SLC29A2: variants seen among roughly 807,000 people sequenced by gnomAD.
The protein encoded by SLC29A2 is equilibrative nucleoside transporter 2.
In SLC29A2, 37 loss-of-function variants were observed where a neutral mutation model predicts 48.8. The observed-to-expected ratio is 0.76, with a 90% CI of 0.58 to 1.00. The LOEUF (loss-of-function observed/expected upper bound fraction) is 1.00. SLC29A2 is among the 50% of genes least tolerant of loss of function. The probability of loss-of-function intolerance (pLI) is 0.00; values close to 1 mark genes in which losing one functional copy is unlikely to be tolerated. For synonymous variants in SLC29A2, 233 were observed against 261.7 expected, an observed-to-expected ratio of 0.89 and a Z score of 1.06; for missense variants, 533 against 578.6, an observed-to-expected ratio of 0.92 and a Z score of 0.81.
chr11:66,364,139 C>T (rs962502347), intron 11 of SLC29A2, 86 bp downstream of exon 11: 17 of 1,132,116 alleles, frequency 1.5e-5, no homozygotes, highest in East Asian at 1.3e-4. Context: ...CAGGATGGGC[C>T]GTCCCTCCAT....
chr11:66,368,775 G>C lies in SLC29A2; in HGVS notation c.416-104C>G. On this transcript the variant is annotated intron_variant, in intron 4 of 11. Coordinates refer to ENST00000357440, the MANE Select transcript of SLC29A2 (RefSeq NM_001532.3). ...CACAGGGGACTCTGGACAAGGTTGC[G>C]CAGGTGTGAGCTTCCCTAGGGACTC... is the stretch of plus-strand genomic sequence containing the variant. 5 of 1,444,930 alleles carry C rather than the reference G, an allele frequency of 3.5e-6. No homozygotes were observed. In the South Asian group the frequency reaches 6.1e-5, roughly 18 times the overall value. 89.5% of individuals were successfully genotyped at this position (1,444,930 alleles called of 1,614,324 possible).
chr11:66,366,234 G>A lies in SLC29A2; in HGVS notation c.868-3C>T. The A allele has an allele frequency of 6.2e-7, 1 of 1,613,434 alleles. No individual in the cohort carries two copies. Among genetic ancestry groups the A allele is most frequent in the Non-Finnish European group, 8.5e-7 (1 of 1,179,394 alleles). ...AGGCACAGCGCTGTCAGCCAGATCT[G>A]GGAGCCAGAGGCAGGGGTGTGAGCA... On this transcript the variant is annotated splice_polypyrimidine_tract_variant and splice_region_variant and intron_variant, in intron 8 of 11. Transcript: ENST00000357440.
chr11:66,364,095 G>A (rs1855525063), intron 11 of SLC29A2, 130 bp downstream of exon 11: 3 of 790,600 alleles, frequency 3.8e-6, no homozygotes, highest in Non-Finnish European at 6.2e-6. Flanking sequence ...CGCCAGCAAG[G>A]CCTGCAGACA....
rs929631561 is a variant in SLC29A2 at position 66,369,678 on chromosome 11, G to C, written c.112-146C>G. On this transcript the variant is annotated intron_variant, in intron 2 of 11. Transcript: ENST00000357440. ...TCCCAGCAGCCGGCACACAGTCGGA[G>C]CTCCATGAATGTGTGCTGAGTTAAA... is the stretch of plus-strand genomic sequence containing the variant. The C allele has an allele frequency of 7.9e-5, 75 of 944,474 alleles. No homozygotes were observed. The East Asian group carries it at 1.7e-3, about 21-fold the overall frequency. 58.5% of individuals were successfully genotyped at this position (944,474 alleles called of 1,614,324 possible). A position where few individuals can be genotyped will look rare whatever the true frequency, so the allele number is the denominator to read the frequency against.
Position 66,362,591 on chromosome 11 carries a change from G to A in SLC29A2, c.*845C>T, listed in dbSNP as rs1164766736. The A allele has an allele frequency of 1.3e-5, 2 of 152,252 alleles. No homozygotes were observed. Among genetic ancestry groups the A allele is most frequent in the Non-Finnish European group, 2.9e-5 (2 of 68,082 alleles). The allele number at this position is 152,252 out of a possible 1,614,324, so 9.4% of individuals were successfully genotyped here. A position where few individuals can be genotyped will look rare whatever the true frequency, so the allele number is the denominator to read the frequency against. On this transcript the variant is annotated 3_prime_UTR_variant, in exon 12 of 12. Transcript: ENST00000357440. ...GAAACAGCAAAAACGGGGAGTAAGT[G>A]CCCAGGCTCCTGCCCCAAACCCCTT...
chr11:66,366,034 C>G lies in SLC29A2; in HGVS notation c.974-13G>C, dbSNP rs202024168. ...TTGAAGAACTGACCTGGGAGGGAAA[C>G]GGCTGCAGCTCATACTGGTCTCCAA... On this transcript the variant is annotated splice_polypyrimidine_tract_variant and intron_variant, in intron 9 of 11. Transcript: ENST00000357440. The G allele has an allele frequency of 6.2e-7, 1 of 1,613,496 alleles. No homozygotes were observed. The highest frequency in any genetic ancestry group is 8.5e-7 in the Non-Finnish European group (1 of 1,179,526).
intron 1 of SLC29A2, 94 bp downstream of exon 1, chr11:66,371,469 T>C (rs1856036557): frequency 3.3e-6 from 5 of 1,504,560 alleles, no homozygotes; most frequent in Non-Finnish European, 3.6e-6. Flanking sequence ...ATGGGAATTG[T>C]AGTTCGATCC....
chr11:66,367,418 G>T, intron 7 of SLC29A2, 46 bp downstream of exon 7: 3 of 1,549,038 alleles, frequency 1.9e-6, no homozygotes, highest in Non-Finnish European at 2.7e-6. Flanking sequence ...GGTGGCTCTA[G>T]CTTCCTCTGC....
chr11:66,371,396 A>C, intron 1 of SLC29A2, 71 bp from the exon 2 acceptor site: 1 of 1,564,812 alleles, frequency 6.4e-7, no homozygotes, highest in South Asian at 1.1e-5. Context: ...CTCCCAGGCC[A>C]CCCCCTCCGG....
In SLC29A2 at chr11:66,371,673, C is replaced by A. The variant is rs1327314870; in HGVS notation, c.-82G>T. The A allele has an allele frequency of 3.5e-6, 4 of 1,139,838 alleles. No individual in the cohort carries two copies. The highest frequency in any genetic ancestry group is 4.2e-5 in the Admixed American group (2 of 47,226). The allele number at this position is 1,139,838 out of a possible 1,614,324, so 70.6% of individuals were successfully genotyped here. ...TGCGCTGGGGCGGAGGGCCGCAGAC[C>A]GGTGGGGCGGGGGGCGGGTCTCCCC... is the stretch of plus-strand genomic sequence containing the variant. On this transcript the variant is annotated 5_prime_UTR_variant, in exon 1 of 12. Coordinates refer to ENST00000357440, the MANE Select transcript of SLC29A2 (RefSeq NM_001532.3).
chr11:66,370,257 C>T (rs1855952882), intron 2 of SLC29A2, among the ~76,000 whole-genome samples: 1 of 152,236 alleles, frequency 6.6e-6, no homozygotes, highest in Non-Finnish European at 1.5e-5. Flanking sequence ...AAGGAACTTT[C>T]TCCCTCCCCT....
In SLC29A2 at chr11:66,371,750, C is replaced by T; in HGVS notation, c.-159G>A. On this transcript the variant is annotated 5_prime_UTR_variant, in exon 1 of 12. Coordinates refer to ENST00000357440, the MANE Select transcript of SLC29A2 (RefSeq NM_001532.3). The stretch of plus-strand genomic sequence containing the variant: ...CGCACAGGTAGCCTCGGGCGGATTT[C>T]GGCGTGTCTCGCGCTCCGCAGGCTG... 2 of 673,424 alleles carry T rather than the reference C, an allele frequency of 3.0e-6. No homozygotes were observed. The highest frequency in any genetic ancestry group is 3.8e-5 in the South Asian group (2 of 51,954). 41.7% of individuals were successfully genotyped at this position (673,424 alleles called of 1,614,324 possible). A position where few individuals can be genotyped will look rare whatever the true frequency, so the allele number is the denominator to read the frequency against.
At chr11:66,370,500 G>A (rs943573794) in intron 2 of SLC29A2, among the ~76,000 whole-genome samples, 1 of 152,172 alleles carries the variant, frequency 6.6e-6, no homozygotes, top group African/African-American at 2.4e-5. Flanking sequence ...CTTCCCTGAA[G>A]AGCCTCCCTG....
rs766951158 is a variant in SLC29A2, at chr11:66,371,229, C to T, written c.111+15G>A. 3 of 1,611,528 alleles carry T rather than the reference C, an allele frequency of 1.9e-6. No homozygotes were observed. Among genetic ancestry groups the T allele is most frequent in the African/African-American group, 2.7e-5 (2 of 74,882 alleles). Reference sequence around the variant, plus strand: ...GGCTGTGGCCACGAGGCTGCCACGCCGCCAGGAGTCTCACCGGGATGGCGG... The same window carrying T: ...GGCTGTGGCCACGAGGCTGCCACGCTGCCAGGAGTCTCACCGGGATGGCGG... On this transcript the variant is annotated intron_variant, in intron 2 of 11. Transcript: ENST00000357440.
Position 66,369,498 on chromosome 11 carries a change from C to G in SLC29A2, c.146G>C (p.Ser49Thr). ...GTTGGTGCTCAGGATCCTGGCTGTG[C>G]TGTTGCCGGCCCCGGCCAGTCGCGC... is the stretch of plus-strand genomic sequence containing the variant. ...FQARLAGAGN[S>T]TARILSTNHT... Residue 49 changes from serine (S) to threonine (T), a missense_variant, in exon 3 of 12, where the codon AGC becomes ACC. Coordinates refer to ENST00000357440, the MANE Select transcript of SLC29A2 (RefSeq NM_001532.3). The G allele has an allele frequency of 6.2e-7, 1 of 1,613,920 alleles. No individual in the cohort carries two copies. The highest frequency in any genetic ancestry group is 8.5e-7 in the Non-Finnish European group (1 of 1,179,968).
At position 66,363,167 on chromosome 11, in the gene SLC29A2, C is replaced by T; in HGVS notation, c.*269G>A. The T allele has an allele frequency of 2.1e-6, 1 of 478,018 alleles. No homozygotes were observed. The highest frequency in any genetic ancestry group is 3.9e-6 in the Non-Finnish European group (1 of 259,184). The allele number at this position is 478,018 out of a possible 1,614,324, so 29.6% of individuals were successfully genotyped here. A position where few individuals can be genotyped will look rare whatever the true frequency, so the allele number is the denominator to read the frequency against. On this transcript the variant is annotated 3_prime_UTR_variant, in exon 12 of 12. Coordinates refer to ENST00000357440, the MANE Select transcript of SLC29A2 (RefSeq NM_001532.3). ...TGGTGGGGAGCAGCCGTGCCCTGCA[C>T]CCTCTTTTCCCTAGTCATCACCCTT... is the stretch of plus-strand genomic sequence containing the variant.
Position 66,369,061 on chromosome 11 carries a change from G to T in SLC29A2, c.414C>A (p.Asn138Lys). The T allele has an allele frequency of 6.3e-7, 1 of 1,599,792 alleles. No homozygotes were observed. Among genetic ancestry groups the T allele is most frequent in the Non-Finnish European group, 8.5e-7 (1 of 1,173,452 alleles). ...SITMASVCFI[N>K]SFSAVLQGSL... ...TGGAGAGGGGGTGGAGGTGCTCACA[G>T]TTGATGAAGCAGACGGAGGCCATGG... The change falls in exon 4 of 12, where the codon AAC becomes AAA. Residue 138 changes from asparagine to lysine, a missense_variant and splice_region_variant. Physicochemically the swap from Asn to Lys is moderately conservative, Grantham distance 94. Transcript: ENST00000357440.
At chr11:66,366,702 C>T in intron 7 of SLC29A2, 138 bp from the exon 8 acceptor site, 2 of 957,834 alleles carry the variant, frequency 2.1e-6, no homozygotes, top group Non-Finnish European at 3.1e-6. Flanking sequence ...GTAATCCCAA[C>T]ATTTTGGAAG....
chr11:66,367,610 C>G (rs984194320), intron 6 of SLC29A2, 62 bp from the exon 7 acceptor site: 31 of 1,568,644 alleles, frequency 2.0e-5, no homozygotes, highest in Non-Finnish European at 2.6e-5. Flanking sequence ...GGATCCCTCC[C>G]CATACCATTG....
Sources: allele counts gnomAD v4.1 joint callset (sites outside exome capture counted in the v4.1 genomes callset), GRCh38; gene constraint gnomAD v4.1.1; transcripts MANE v1.5; gene names NCBI Gene and HGNC (gene_info 2026-07-23, HGNC 2026-07-21).